Variants in TLN2 observed in about 807,000 individuals in gnomAD.
TLN2 encodes talin-2.
TLN2 carries 118 observed loss-of-function variants against 294.7 expected under a neutral mutation model. That is an observed-to-expected ratio of 0.40 (90% CI 0.34 to 0.47). The LOEUF is 0.47. Ranked by LOEUF, TLN2 falls within the 20% of genes least tolerant of loss-of-function variation. The pLI, the probability that TLN2 is intolerant of heterozygous loss-of-function variation, is 0.84. For missense variants in TLN2, 3,083 were observed against 3,282.2 expected (o/e 0.94, Z 1.48); for synonymous variants, 1,431 against 1,304.5 (o/e 1.10, Z -2.09).
chr15:62,604,885 T>C (rs2047305056), intron 2 of TLN2, among the ~76,000 whole-genome samples: 1 of 151,802 alleles, frequency 6.6e-6, no homozygotes, highest in Non-Finnish European at 1.5e-5. Context: ...TATTTGCCGC[T>C]GCCGCCGCCT....
At chr15:62,732,987 G>A (rs2060812712) in intron 28 of TLN2, among the ~76,000 whole-genome samples, 1 of 152,206 alleles carries the variant, frequency 6.6e-6, no homozygotes, top group Non-Finnish European at 1.5e-5. Context: ...ACTCAGTAGA[G>A]AAGGCTGGGC....
chr15:62,644,007 A>G (rs2051497916), intron 3 of TLN2, among the ~76,000 whole-genome samples: 2 of 152,074 alleles, frequency 1.3e-5, no homozygotes, highest in African/African-American at 4.8e-5. Flanking sequence ...TTTGGATTAC[A>G]AAGTCTTAAA....
intron 55 of TLN2, 51 bp downstream of exon 55, chr15:62,833,680 A>AG (rs1264895250): frequency 5.7e-6 from 9 of 1,582,958 alleles, no homozygotes; most frequent in Middle Eastern, 4.1e-4. Flanking sequence ...CGAGAGCCTC[A>AG]GGGGGCCCAG....
intron 1 of TLN2, among the ~76,000 whole-genome samples, chr15:62,471,649 C>A (rs921266015): frequency 1.3e-5 from 2 of 152,172 alleles, no homozygotes; most frequent in African/African-American, 2.4e-5. Context: ...TCTGCTGACA[C>A]CCCAGCCCCT....
chr15:62,507,316 G>C (rs770695316), intron 1 of TLN2, among the ~76,000 whole-genome samples: 22 of 152,192 alleles, frequency 1.4e-4, no homozygotes, highest in Non-Finnish European at 2.9e-4. Flanking sequence ...GGGGTATTCT[G>C]CTATGGAATA....
intron 32 of TLN2, among the ~76,000 whole-genome samples, chr15:62,743,246 T>C (rs953120531): frequency 2.6e-5 from 4 of 152,146 alleles, no homozygotes; most frequent in African/African-American, 9.7e-5. Flanking sequence ...AGGTCCTGCC[T>C]GTCCTTCCTG....
At chr15:62,818,961 T>A (rs2067334285) in intron 52 of TLN2, among the ~76,000 whole-genome samples, 1 of 152,060 alleles carries the variant, frequency 6.6e-6, no homozygotes, top group Admixed American at 6.6e-5. Context: ...GCTCAAGAGA[T>A]CTTCCCACCT....
chr15:62,492,543 C>CAAA (rs35935035), intron 1 of TLN2, among the ~76,000 whole-genome samples: 33 of 84,600 alleles, frequency 3.9e-4, no homozygotes, highest in African/African-American at 8.0e-4. Context: ...GACTCTGTCT[C>CAAA]AAAAAAAAAA....
At chr15:62,796,000 C>T (rs1237677384) in intron 46 of TLN2, 127 bp from the exon 47 acceptor site, 2 of 1,244,872 alleles carry the variant, frequency 1.6e-6, no homozygotes, top group East Asian at 4.9e-5. Flanking sequence ...CCGTTGACTC[C>T]AGATGTGTGT....
In TLN2 at chr15:62,601,820, T is replaced by A. The variant is rs1285023535; in HGVS notation, c.-162+12058T>A. Among the ~76,000 whole-genome samples the A allele has an allele frequency of 2.0e-5, 3 of 152,342 alleles. No individual in the cohort carries two copies. The East Asian group carries it at 5.8e-4, about 29-fold the overall frequency. On this transcript the variant is annotated intron_variant, in intron 2 of 58. Transcript: ENST00000636159. Reference sequence around the variant, plus strand: ...CGTCCAAAAGAGATCACTGAGACTTTATTTCTTTTTTTAGCGTAATTTAAT... The same window carrying A: ...CGTCCAAAAGAGATCACTGAGACTTAATTTCTTTTTTTAGCGTAATTTAAT...
intron 1 of TLN2, among the ~76,000 whole-genome samples, chr15:62,424,559 C>T (rs1338537093): frequency 1.3e-5 from 2 of 152,350 alleles, no homozygotes; most frequent in East Asian, 1.9e-4. Context: ...TCATTAGGCT[C>T]ACCTGGGAGC....
At chr15:62,483,594 A>T (rs2038225911) in intron 1 of TLN2, among the ~76,000 whole-genome samples, 1 of 152,072 alleles carries the variant, frequency 6.6e-6, no homozygotes, top group African/African-American at 2.4e-5. Flanking sequence ...GGCCGCCTTG[A>T]CTTCCTTCCT....
chr15:62,615,050 C>T (rs1429944580), intron 2 of TLN2, among the ~76,000 whole-genome samples: 1 of 152,138 alleles, frequency 6.6e-6, no homozygotes, highest in Non-Finnish European at 1.5e-5. Context: ...AGGGGATCCG[C>T]CTGCCTCGGC....
At chr15:62,809,322 G>T (rs1342776083) in intron 51 of TLN2, among the ~76,000 whole-genome samples, 1 of 152,218 alleles carries the variant, frequency 6.6e-6, no homozygotes, top group Non-Finnish European at 1.5e-5. Context: ...TGTTAAGCAT[G>T]TGTGCTGGTT....
chr15:62,715,266 T>A (rs1486282342), intron 22 of TLN2, among the ~76,000 whole-genome samples: 1 of 152,242 alleles, frequency 6.6e-6, no homozygotes, highest in Non-Finnish European at 1.5e-5. Context: ...ATTGGCCACT[T>A]GGAAATCTAG....
At chr15:62,762,760 A>G (rs2062754752) in intron 39 of TLN2, among the ~76,000 whole-genome samples, 2 of 152,228 alleles carry the variant, frequency 1.3e-5, no homozygotes, top group African/African-American at 2.4e-5. Context: ...TTTGGGTAAT[A>G]TCCCCAAGGT....
At chr15:62,760,800 T>A (rs964265719) in intron 37 of TLN2, among the ~76,000 whole-genome samples, 1 of 152,090 alleles carries the variant, frequency 6.6e-6, no homozygotes, top group African/African-American at 2.4e-5. Flanking sequence ...AGTTTTTTGT[T>A]TTTGTTTTTT....
chr15:62,806,350 C>T (rs2066284030), intron 51 of TLN2, among the ~76,000 whole-genome samples: 1 of 152,206 alleles, frequency 6.6e-6, no homozygotes. Context: ...AGGAAGCCTT[C>T]TTGCAGAGTG....
intron 40 of TLN2, among the ~76,000 whole-genome samples, chr15:62,765,436 G>A (rs2062937796): frequency 6.6e-6 from 1 of 152,112 alleles, no homozygotes; most frequent in Non-Finnish European, 1.5e-5. Context: ...CTGTGGGAAA[G>A]TAGTGAAGGC....
Sources: gnomAD v4.1 joint callset for allele counts (sites outside exome capture counted in the v4.1 genomes callset) on GRCh38, gnomAD v4.1.1 for gene constraint, MANE v1.5 for transcripts, NCBI Gene and HGNC (gene_info 2026-07-23, HGNC 2026-07-21) for gene names.